Variants in HTR2C observed in about 807,000 individuals in gnomAD.
The protein encoded by HTR2C is 5-hydroxytryptamine (serotonin) receptor 2C, G protein-coupled.
In HTR2C, 5 loss-of-function variants were observed where a neutral mutation model predicts 21.0. That is an observed-to-expected ratio of 0.24 (90% CI 0.12 to 0.50). The LOEUF is 0.50. Ranked by LOEUF, HTR2C falls within the 20% of genes least tolerant of loss-of-function variation. The pLI is 0.98. For missense variants in HTR2C, 271 were observed against 371.2 expected (o/e 0.73, Z 2.22); for synonymous variants, 150 against 145.3 (o/e 1.03, Z -0.23).
chrX:114,834,830 G>T lies in HTR2C; in HGVS notation c.350-13173G>T, dbSNP rs868958096. Reference sequence around the variant, plus strand: ...GGTCTTTACATTTTGGCATGATTTTGCAGCGGCTGGTACCAGTTGTTCCTT... The same window carrying T: ...GGTCTTTACATTTTGGCATGATTTTTCAGCGGCTGGTACCAGTTGTTCCTT... On this transcript the variant is annotated intron_variant, in intron 4 of 5. Transcript: ENST00000276198. 9.5e-3 allele frequency among the ~76,000 whole-genome samples: 1,032 copies of T among 109,114 alleles called. 14 individuals carry two copies. Among genetic ancestry groups the T allele is most frequent in the African/African-American group, 0.033 (970 of 29,755 alleles). The allele number at this position is 109,114 out of a possible 115,157, so 94.8% of individuals were successfully genotyped here. A position where few individuals can be genotyped will look rare whatever the true frequency, so the allele number is the denominator to read the frequency against.
intron 3 of HTR2C, among the ~76,000 whole-genome samples, chrX:114,729,611 A>G (rs1167299103): frequency 8.9e-6 from 1 of 111,844 alleles, no homozygotes; most frequent in Non-Finnish European, 1.9e-5. Flanking sequence ...ATTTTTGCCT[A>G]TTTTTTATGT....
At chrX:114,826,728 TG>T (rs1475583878) in intron 4 of HTR2C, among the ~76,000 whole-genome samples, 1 of 111,157 alleles carries the variant, frequency 9.0e-6, no homozygotes, top group Non-Finnish European at 1.9e-5. Context: ...AATTGTGTCT[TG>T]TTTATTTTTA....
At chrX:114,872,389 G>T (rs2071099788) in intron 5 of HTR2C, among the ~76,000 whole-genome samples, 1 of 110,620 alleles carries the variant, frequency 9.0e-6, no homozygotes, top group Non-Finnish European at 1.9e-5. Context: ...TGAAGGGGGA[G>T]ATAAGGTTAT....
chrX:114,847,753 T>A (rs1243170501), intron 4 of HTR2C, among the ~76,000 whole-genome samples: 2 of 110,868 alleles, frequency 1.8e-5, no homozygotes, highest in Non-Finnish European at 3.8e-5. Flanking sequence ...ATGTACTAGA[T>A]GCCATTGGAT....
chrX:114,853,961 C>A, intron 5 of HTR2C, among the ~76,000 whole-genome samples: 1 of 111,628 alleles, frequency 9.0e-6, no homozygotes, highest in Non-Finnish European at 1.9e-5. Flanking sequence ...TTTCTCTAAT[C>A]TGTATACTAA....
At chrX:114,784,406 A>G (rs1482832124) in intron 4 of HTR2C, among the ~76,000 whole-genome samples, 1 of 111,359 alleles carries the variant, frequency 9.0e-6, no homozygotes, top group Non-Finnish European at 1.9e-5. Flanking sequence ...AAATTACCAC[A>G]CATTCGTGGC....
intron 2 of HTR2C, among the ~76,000 whole-genome samples, chrX:114,722,733 G>A (rs1293645795): frequency 9.3e-6 from 1 of 107,691 alleles, no homozygotes; most frequent in Admixed American, 1.0e-4. Flanking sequence ...AAGGATTGTT[G>A]AATTTTGTCA....
At chrX:114,741,792 A>G (rs1047498753) in intron 4 of HTR2C, among the ~76,000 whole-genome samples, 1 of 109,121 alleles carries the variant, frequency 9.2e-6, no homozygotes, top group Non-Finnish European at 1.9e-5. Flanking sequence ...TTCAAAAGCA[A>G]CTACCTGAGG....
intron 5 of HTR2C, among the ~76,000 whole-genome samples, chrX:114,906,048 C>T (rs371854372): frequency 1.8e-5 from 2 of 111,920 alleles, no homozygotes; most frequent in East Asian, 5.6e-4. Flanking sequence ...TCAGTCTCTG[C>T]TTATTGACTA....
intron 4 of HTR2C, chrX:114,774,873 G>T: frequency 1.9e-6 from 1 of 533,020 alleles, no homozygotes; most frequent in East Asian, 3.4e-5. Context: ...CACCACTAGA[G>T]GGAGGAGCTC....
chrX:114,796,796 AC>A (rs34681723), intron 4 of HTR2C, among the ~76,000 whole-genome samples: 3 of 110,979 alleles, frequency 2.7e-5, no homozygotes, highest in Non-Finnish European at 5.7e-5. Context: ...ACTTTCCACT[AC>A]CCAGTGATCA....
At chrX:114,786,865 TTTTTTG>T (rs782331835) in intron 4 of HTR2C, among the ~76,000 whole-genome samples, 2 of 111,293 alleles carry the variant, frequency 1.8e-5, no homozygotes, top group Admixed American at 9.6e-5. Flanking sequence ...GGATTTTTGT[TTTTTTG>T]TTTTTGTTTT....
chrX:114,707,430 AAAC>A (rs1189904527), intron 2 of HTR2C, among the ~76,000 whole-genome samples: 6 of 111,168 alleles, frequency 5.4e-5, no homozygotes, highest in Middle Eastern at 9.3e-3. Context: ...AATAAAATAA[AAAC>A]AATTTTAAAA....
At chrX:114,666,191 A>G (rs1370268126) in intron 2 of HTR2C, among the ~76,000 whole-genome samples, 1 of 111,880 alleles carries the variant, frequency 8.9e-6, no homozygotes, top group African/African-American at 3.2e-5. Flanking sequence ...AGCTGCTAAA[A>G]AGATTGCAAA....
chrX:114,716,251 T>A (rs190207505), intron 2 of HTR2C, among the ~76,000 whole-genome samples: 46 of 113,008 alleles, frequency 4.1e-4, no homozygotes, highest in African/African-American at 1.3e-3. Flanking sequence ...AATAGCTACT[T>A]TAAGTCTATC....
At chrX:114,774,711 C>T (rs782436087) in intron 4 of HTR2C, 1 of 294,597 alleles carries the variant, frequency 3.4e-6, no homozygotes, top group Non-Finnish European at 6.0e-6. Flanking sequence ...ATTGAGAATT[C>T]CTAGTAACTT....
At chrX:114,723,964 G>T (rs1933332839) in intron 2 of HTR2C, among the ~76,000 whole-genome samples, 1 of 97,615 alleles carries the variant, frequency 1.0e-5, no homozygotes, top group Non-Finnish European at 2.1e-5. Flanking sequence ...AATAGGTGTG[G>T]TGTGGTGCTG....
intron 1 of HTR2C, among the ~76,000 whole-genome samples, chrX:114,595,560 T>C (rs782572923): frequency 5.4e-4 from 60 of 110,644 alleles, no homozygotes; most frequent in African/African-American, 1.8e-3. Flanking sequence ...TTCCCCTCTC[T>C]TCATGTCATG....
intron 5 of HTR2C, among the ~76,000 whole-genome samples, chrX:114,857,509 A>G (rs1229653979): frequency 9.0e-6 from 1 of 110,972 alleles, no homozygotes; most frequent in Non-Finnish European, 1.9e-5. Context: ...AATGTTGGGC[A>G]CTTTTTGTTA....
Sources: allele counts gnomAD v4.1 joint callset (sites outside exome capture counted in the v4.1 genomes callset), GRCh38; gene constraint gnomAD v4.1.1; transcripts MANE v1.5; gene names NCBI Gene and HGNC (gene_info 2026-07-23, HGNC 2026-07-21).